Variants in VPS53 observed in about 807,000 individuals in gnomAD.
VPS53 encodes the protein vacuolar protein sorting-associated protein 53 homolog.
In VPS53, 70 loss-of-function variants were observed where a neutral mutation model predicts 107.0. That is an observed-to-expected ratio of 0.65 (90% confidence interval 0.54 to 0.80). The LOEUF is 0.80. VPS53 is among the 30% of genes least tolerant of loss of function. The pLI, the probability that VPS53 is intolerant of heterozygous loss-of-function variation, is 0.00. For missense variants in VPS53, 917 were observed against 1,049.4 expected (o/e 0.87, Z 1.74); for synonymous variants, 409 against 393.3 (o/e 1.04, Z -0.47).
At chr17:619,578 A>G (rs12941605) in intron 11 of VPS53, among the ~76,000 whole-genome samples, 162 of 67,042 alleles carry the variant, frequency 2.4e-3, no homozygotes, top group East Asian at 3.2e-3. Context: ...GCACCACCAC[A>G]CCCCGCTAAT....
In VPS53 at chr17:586,314, C is replaced by T; in HGVS notation, c.1269G>A (p.Lys423=). 6.2e-7 allele frequency: 1 copy of T among 1,614,096 alleles called. No individual in the cohort carries two copies. The highest frequency in any genetic ancestry group is 8.5e-7 in the Non-Finnish European group (1 of 1,179,960). The change falls in exon 13 of 22, where the codon AAG becomes AAA. Residue 423 remains lysine, a synonymous_variant. Coordinates refer to ENST00000437048, the MANE Select transcript of VPS53 (RefSeq NM_001128159.3). The part of the protein sequence containing the change: ...PDNPFHGIVS[K]CFEPHLYVYI... ...ACACGTAGAGATGAGGCTCAAAACACTTGGAAACAATGCCATGAAATGGAT... is the reference window on the plus strand; with the variant it reads ...ACACGTAGAGATGAGGCTCAAAACATTTGGAAACAATGCCATGAAATGGAT...
chr17:537,007 TG>T lies in VPS53; in HGVS notation c.2015+20del, dbSNP rs761771011. ...ATTAAAAAGAACAAGAACCCAGAGA[TG>T]AGCACGCCCCAGGACTTACTTTGCA... On this transcript the variant is annotated intron_variant, in intron 18 of 21. Transcript: ENST00000437048. 1.2e-6 allele frequency: 2 copies of T among 1,613,370 alleles called. No individual in the cohort carries two copies. The highest frequency in any genetic ancestry group is 2.2e-5 in the East Asian group (1 of 44,876).
rs190589524 is a variant in VPS53, at chr17:637,255, G to A, written c.609-5627C>T. Among the ~76,000 whole-genome samples the A allele has an allele frequency of 6.6e-3, 1,005 of 152,288 alleles. 6 individuals are homozygous for A. The highest frequency in any genetic ancestry group is 0.011 in the Non-Finnish European group (731 of 68,018). The stretch of plus-strand genomic sequence containing the variant: ...GGTAGTTTGTATTTCTGTGGGATCA[G>A]TGGTGATATCCCCTTTATCATTTTT... On this transcript the variant is annotated intron_variant, in intron 7 of 21. Coordinates refer to ENST00000437048, the MANE Select transcript of VPS53 (RefSeq NM_001128159.3).
intron 8 of VPS53, 139 bp downstream of exon 8, chr17:631,411 T>C: frequency 2.3e-6 from 2 of 854,620 alleles, no homozygotes; most frequent in Non-Finnish European, 3.8e-6. Flanking sequence ...GGTGGTCTCA[T>C]TACCCTGAAC....
intron 17 of VPS53, chr17:551,627 T>G (rs1340541676): frequency 1.1e-5 from 3 of 276,846 alleles, no homozygotes; most frequent in Non-Finnish European, 2.1e-5. Context: ...CACATTTACT[T>G]CGTCTCTTTT....
At chr17:628,540 A>G (rs1040291717) in intron 8 of VPS53, among the ~76,000 whole-genome samples, 1 of 152,222 alleles carries the variant, frequency 6.6e-6, no homozygotes, top group African/African-American at 2.4e-5. Context: ...GAGATCTAAA[A>G]GTCAGAATGC....
chr17:571,363 A>AT (rs1914038596), intron 13 of VPS53, among the ~76,000 whole-genome samples: 1 of 152,144 alleles, frequency 6.6e-6, no homozygotes, highest in Non-Finnish European at 1.5e-5. Context: ...TGTGGGGGAG[A>AT]TAACTATTAA....
At chr17:638,092 C>T (rs1467023571) in intron 7 of VPS53, among the ~76,000 whole-genome samples, 2 of 152,204 alleles carry the variant, frequency 1.3e-5, no homozygotes, top group East Asian at 3.9e-4. Flanking sequence ...TATGAATCTG[C>T]GTACTCCTGT....
At position 532,537 on chromosome 17, in the gene VPS53, G is replaced by A. The variant is rs180849563; in HGVS notation, c.2085+305C>T. ...GGCCTCCCGAAATGCTGGGGTTACA[G>A]CGTGAGCCGCTGTGCCCGGCCCAGC... is the stretch of plus-strand genomic sequence containing the variant. On this transcript the variant is annotated intron_variant, in intron 19 of 21. Transcript: ENST00000437048. 2.0e-3 allele frequency: 807 copies of A among 402,742 alleles called. 11 individuals carry two copies. Among genetic ancestry groups the A allele is most frequent in the African/African-American group, 6.0e-3 (278 of 46,614 alleles). The allele number at this position is 402,742 out of a possible 1,614,324, so 24.9% of individuals were successfully genotyped here. A position where few individuals can be genotyped will look rare whatever the true frequency, so the allele number is the denominator to read the frequency against.
At chr17:531,231 C>T (rs188917138) in intron 19 of VPS53, among the ~76,000 whole-genome samples, 4 of 152,286 alleles carry the variant, frequency 2.6e-5, no homozygotes, top group African/African-American at 2.4e-5. Context: ...GCCACGTTGC[C>T]CTGTAGTTCC....
intron 15 of VPS53, among the ~76,000 whole-genome samples, chr17:556,604 T>G (rs976712193): frequency 6.6e-6 from 1 of 152,226 alleles, no homozygotes; most frequent in Non-Finnish European, 1.5e-5. Flanking sequence ...TTGAGAGGTA[T>G]GAGGTCATGA....
intron 12 of VPS53, among the ~76,000 whole-genome samples, chr17:592,749 G>A (rs1329004609): frequency 6.6e-6 from 1 of 152,180 alleles, no homozygotes; most frequent in East Asian, 1.9e-4. Flanking sequence ...TTTCTGCCGA[G>A]AGATCTGCTG....
At chr17:655,125 T>G (rs1453877687) in intron 6 of VPS53, among the ~76,000 whole-genome samples, 1 of 152,150 alleles carries the variant, frequency 6.6e-6, no homozygotes, top group African/African-American at 2.4e-5. Context: ...ACATACGGAA[T>G]CACACTGAGG....
At chr17:642,948 C>G (rs111650406) in intron 7 of VPS53, among the ~76,000 whole-genome samples, 82 of 92,416 alleles carry the variant, frequency 8.9e-4, no homozygotes, top group South Asian at 1.4e-3. Context: ...TACTTGGCAA[C>G]CGAGGACAAC....
At chr17:544,711 A>G (rs1224502601) in intron 17 of VPS53, among the ~76,000 whole-genome samples, 3 of 152,232 alleles carry the variant, frequency 2.0e-5, no homozygotes, top group African/African-American at 7.2e-5. Context: ...AATGAAATTA[A>G]TTGGGTTCCA....
chr17:614,157 G>A (rs1323855497), intron 11 of VPS53, among the ~76,000 whole-genome samples: 1 of 152,192 alleles, frequency 6.6e-6, no homozygotes. Context: ...GATTTCTTCT[G>A]GGGTAACAGA....
intron 1 of VPS53, among the ~76,000 whole-genome samples, chr17:711,693 GT>G (rs1205124362): frequency 6.6e-6 from 1 of 151,950 alleles, no homozygotes; most frequent in African/African-American, 2.4e-5. Context: ...GTTTTAAATT[GT>G]TTTCATGTAA....
At chr17:522,559 T>C (rs1242561284) in intron 19 of VPS53, among the ~76,000 whole-genome samples, 2 of 152,248 alleles carry the variant, frequency 1.3e-5, no homozygotes, top group African/African-American at 4.8e-5. Context: ...CTGCCAGCCA[T>C]GCAGACTGCA....
rs34123743 is a variant in VPS53, at chr17:656,700, A to ATGTGTGTGTGTGTGTGTGTGTGTGTG, written c.373-773_373-748dup. 2.7e-4 allele frequency: 148 copies of ATGTGTGTGTGTGTGTGTGTGTGTGTG among 554,648 alleles called. 1 individual carries two copies. Among genetic ancestry groups the ATGTGTGTGTGTGTGTGTGTGTGTGTG allele is most frequent in the African/African-American group, 2.4e-3 (127 of 52,114 alleles). The allele number at this position is 554,648 out of a possible 1,614,324, so 34.4% of individuals were successfully genotyped here. A position where few individuals can be genotyped will look rare whatever the true frequency, so the allele number is the denominator to read the frequency against. On this transcript the variant is annotated intron_variant, in intron 5 of 21. Transcript: ENST00000437048. ...TTTCTTGGTCCATGCTGACTAAGAA[A>ATGTGTGTGTGTGTGTGTGTGTGTGTG]TGTGTGTGTGTGTGTGTGTGTGTGT...
Sources: allele counts gnomAD v4.1 joint callset (sites outside exome capture counted in the v4.1 genomes callset), GRCh38; gene constraint gnomAD v4.1.1; transcripts MANE v1.5; gene names NCBI Gene and HGNC (gene_info 2026-07-23, HGNC 2026-07-21).